The following CCDC141 variants were observed in gnomAD, a reference collection of about 807,000 sequenced individuals.
CCDC141 encodes the protein coiled-coil domain-containing protein 141.
A neutral mutation model predicts 181.0 loss-of-function variants in CCDC141; 168 were observed. That is an observed-to-expected ratio of 0.93 (90% CI 0.82 to 1.05). The LOEUF is 1.05. Among genes scored for constraint, CCDC141 ranks in the 50% least tolerant of loss-of-function variants. The pLI is 0.00. For missense variants in CCDC141, 1,902 were observed against 1,788.5 expected (o/e 1.06, Z -1.14); for synonymous variants, 666 against 642.3 (o/e 1.04, Z -0.56).
At chr2:179,025,276 G>C (rs2154386188) in intron 2 of CCDC141, among the ~76,000 whole-genome samples, 1 of 152,138 alleles carries the variant, frequency 6.6e-6, no homozygotes, top group Non-Finnish European at 1.5e-5. Context: ...TGGTTTGGCT[G>C]TCTCCCCACC....
intron 2 of CCDC141, among the ~76,000 whole-genome samples, chr2:179,046,369 T>A (rs1463235060): frequency 6.6e-6 from 1 of 152,248 alleles, no homozygotes; most frequent in Non-Finnish European, 1.5e-5. Flanking sequence ...ACAGAGCAAG[T>A]GCTGAGGGCT....
chr2:179,048,193 T>TA (rs1464366499), intron 1 of CCDC141, among the ~76,000 whole-genome samples: 1 of 152,218 alleles, frequency 6.6e-6, no homozygotes, highest in Non-Finnish European at 1.5e-5. Flanking sequence ...CCTGAATTAC[T>TA]AAAGAGAAAT....
At position 178,961,490 on chromosome 2, in the gene CCDC141, G is replaced by C; in HGVS notation, c.527-7C>G. ...AAAGACCGTTCCAAGAGTTCTAGAAGAAAATTAGAAAGAAAAAAGAATAAT... is the reference window on the plus strand; with the variant it reads ...AAAGACCGTTCCAAGAGTTCTAGAACAAAATTAGAAAGAAAAAAGAATAAT... On this transcript the variant is annotated splice_region_variant and splice_polypyrimidine_tract_variant and intron_variant, in intron 4 of 23. Coordinates refer to ENST00000443758, the MANE Select transcript of CCDC141 (RefSeq NM_173648.4). 6.5e-7 allele frequency: 1 copy of C among 1,536,902 alleles called. No homozygotes were observed.
chr2:179,049,826 A>G lies in CCDC141; in HGVS notation c.102+14T>C. On this transcript the variant is annotated intron_variant, in intron 1 of 23. Coordinates refer to ENST00000443758, the MANE Select transcript of CCDC141 (RefSeq NM_173648.4). The stretch of plus-strand genomic sequence containing the variant: ...GCCCACAGCCGCACAGAAAAAAGGA[A>G]GTTGTTAGCTTACCTTTATGACAGC... 3 of 1,550,590 alleles carry G rather than the reference A, an allele frequency of 1.9e-6. No individual in the cohort carries two copies. Among genetic ancestry groups the G allele is most frequent in the Non-Finnish European group, 2.6e-6 (3 of 1,146,766 alleles).
intron 8 of CCDC141, 148 bp from the exon 9 acceptor site, chr2:178,888,816 T>G: frequency 1.3e-6 from 1 of 752,422 alleles, no homozygotes; most frequent in Non-Finnish European, 2.1e-6. Context: ...CATCTCGGCA[T>G]AGCAGGAAGC....
At chr2:178,862,923 G>A (rs994039626) in intron 17 of CCDC141, among the ~76,000 whole-genome samples, 2 of 152,062 alleles carry the variant, frequency 1.3e-5, no homozygotes, top group African/African-American at 4.8e-5. Context: ...AGTCAAGAAA[G>A]AAATTTTTTT....
chr2:178,990,679 C>G (rs749510371), intron 2 of CCDC141, among the ~76,000 whole-genome samples: 1 of 151,724 alleles, frequency 6.6e-6, no homozygotes, highest in Non-Finnish European at 1.5e-5. Flanking sequence ...ACCTCTAAGA[C>G]ATGCTAAGTG....
At chr2:178,907,469 G>A (rs1277798422) in intron 7 of CCDC141, among the ~76,000 whole-genome samples, 3 of 152,164 alleles carry the variant, frequency 2.0e-5, no homozygotes, top group Non-Finnish European at 2.9e-5. Flanking sequence ...AATCTTGGGC[G>A]GAAAAGGAGG....
At chr2:178,923,381 G>A (rs1688788768) in intron 6 of CCDC141, among the ~76,000 whole-genome samples, 1 of 152,146 alleles carries the variant, frequency 6.6e-6, no homozygotes, top group South Asian at 2.1e-4. Flanking sequence ...TGGGATTACA[G>A]GCGTGAGCCA....
intron 17 of CCDC141, 149 bp from the exon 18 acceptor site, chr2:178,856,546 T>TC: frequency 3.1e-6 from 1 of 319,120 alleles, no homozygotes; most frequent in Non-Finnish European, 5.3e-6. Context: ...CCCTCTCTCT[T>TC]TCTTTCTTTC....
chr2:179,047,567 T>G (rs2043540709), intron 1 of CCDC141, among the ~76,000 whole-genome samples, 161 bp from the exon 2 acceptor site: 1 of 152,354 alleles, frequency 6.6e-6, no homozygotes, highest in East Asian at 1.9e-4. Context: ...GGGGTTTACT[T>G]AAATTGAAAC....
intron 16 of CCDC141, 122 bp downstream of exon 16, chr2:178,867,904 C>T: frequency 2.1e-5 from 15 of 728,460 alleles, no homozygotes; most frequent in East Asian, 8.2e-5. Flanking sequence ...AAATAACTAC[C>T]CCAATGGTTT....
chr2:179,001,290 G>A (rs1181543478), intron 2 of CCDC141, among the ~76,000 whole-genome samples: 2 of 152,188 alleles, frequency 1.3e-5, no homozygotes, highest in African/African-American at 4.8e-5. Context: ...TTAGGGACAT[G>A]AGAAGCACAA....
chr2:179,015,987 G>C (rs1214207831), intron 2 of CCDC141, among the ~76,000 whole-genome samples: 1 of 136,508 alleles, frequency 7.3e-6, no homozygotes, highest in African/African-American at 2.8e-5. Flanking sequence ...ATATATGTAT[G>C]ATATATATGA....
intron 5 of CCDC141, among the ~76,000 whole-genome samples, chr2:178,955,487 T>A (rs1690121694): frequency 6.6e-6 from 1 of 152,116 alleles, no homozygotes; most frequent in Non-Finnish European, 1.5e-5. Flanking sequence ...CTGTTTAAAT[T>A]GTGTTATATT....
chr2:178,905,909 T>C (rs928051711), intron 7 of CCDC141, among the ~76,000 whole-genome samples: 2 of 152,362 alleles, frequency 1.3e-5, no homozygotes, highest in South Asian at 4.1e-4. Context: ...GTTTCTGTAA[T>C]ATTCTTTAGA....
chr2:178,991,749 T>C (rs1017025883), intron 2 of CCDC141, among the ~76,000 whole-genome samples: 1 of 152,094 alleles, frequency 6.6e-6, no homozygotes, highest in African/African-American at 2.4e-5. Flanking sequence ...CAAGACTTCA[T>C]CATTATACAG....
intron 8 of CCDC141, among the ~76,000 whole-genome samples, chr2:178,889,220 A>G (rs1410136233): frequency 1.4e-5 from 2 of 146,754 alleles, no homozygotes; most frequent in Non-Finnish European, 3.0e-5. Context: ...AAAAAAAAAA[A>G]GAAGCCATGC....
At chr2:178,896,929 C>A (rs1430449161) in intron 8 of CCDC141, among the ~76,000 whole-genome samples, 1 of 151,976 alleles carries the variant, frequency 6.6e-6, no homozygotes, top group African/African-American at 2.4e-5. Context: ...TACCTCCCCC[C>A]TCACTTTGTA....
Sources: gnomAD v4.1 joint callset for allele counts (sites outside exome capture counted in the v4.1 genomes callset) on GRCh38, gnomAD v4.1.1 for gene constraint, MANE v1.5 for transcripts, NCBI Gene and HGNC (gene_info 2026-07-23, HGNC 2026-07-21) for gene names.